NEGR1: variants seen among roughly 807,000 people sequenced by gnomAD.
NEGR1 encodes neuronal growth regulator 1.
Under a neutral mutation model 40.9 loss-of-function variants are expected in NEGR1, and 10 were observed. The observed-to-expected ratio is 0.24, with a 90% CI of 0.15 to 0.42. The LOEUF (loss-of-function observed/expected upper bound fraction) is 0.42. Ranked by LOEUF, NEGR1 falls within the 10% of genes least tolerant of loss-of-function variation. NEGR1 has a pLI of 1.00. For synonymous variants in NEGR1, 185 were observed against 166.8 expected (o/e 1.11, Z -0.84); for missense variants, 352 against 438.9 (o/e 0.80, Z 1.77).
At chr1:71,954,687 T>C (rs1213573134) in intron 1 of NEGR1, among the ~76,000 whole-genome samples, 1 of 152,116 alleles carries the variant, frequency 6.6e-6, no homozygotes, top group Non-Finnish European at 1.5e-5. Context: ...TCATTATTTC[T>C]AATGATCAAT....
intron 1 of NEGR1, among the ~76,000 whole-genome samples, chr1:72,040,561 C>CA (rs1471353422): frequency 1.2e-5 from 1 of 82,156 alleles, no homozygotes. Context: ...TTGGCAAGCA[C>CA]AGTAAGAGCA....
intron 6 of NEGR1, among the ~76,000 whole-genome samples, chr1:71,521,248 T>A (rs554086593): frequency 6.6e-6 from 1 of 152,136 alleles, no homozygotes; most frequent in Non-Finnish European, 1.5e-5. Context: ...CTTATAAGGA[T>A]ACCAGAGCAA....
chr1:71,528,734 T>C (rs1426448935), intron 6 of NEGR1, among the ~76,000 whole-genome samples: 1 of 151,244 alleles, frequency 6.6e-6, no homozygotes, highest in Admixed American at 6.6e-5. Context: ...CATTTGATGA[T>C]ATAGCTGTAG....
At chr1:71,474,972 TAAAC>T (rs1480699254) in intron 6 of NEGR1, among the ~76,000 whole-genome samples, 1 of 151,920 alleles carries the variant, frequency 6.6e-6, no homozygotes, top group Non-Finnish European at 1.5e-5. Context: ...AGGTAAGAAA[TAAAC>T]AGAAAAGAAC....
Position 71,555,227 on chromosome 1 carries a change from G to GGCAGGTAAGTATT in NEGR1, c.940+37589_940+37590insAATACTTACCTGC, listed in dbSNP as rs1397683360. Among the ~76,000 whole-genome samples the GGCAGGTAAGTATT allele has an allele frequency of 8.3e-4, 117 of 141,562 alleles. 1 individual carries two copies. The highest frequency in any genetic ancestry group is 1.4e-3 in the Non-Finnish European group (89 of 65,184). The allele number at this position is 141,562 out of a possible 152,430, so 92.9% of individuals were successfully genotyped here. A position where few individuals can be genotyped will look rare whatever the true frequency, so the allele number is the denominator to read the frequency against. ...GTTTAGACCGCTAGCCATTCTTAAA[G>GGCAGGTAAGTATT]CTCTGTAGGCAGGTAAGTATTCCTT... is the stretch of plus-strand genomic sequence containing the variant. On this transcript the variant is annotated intron_variant, in intron 6 of 6. Coordinates refer to ENST00000357731, the MANE Select transcript of NEGR1 (RefSeq NM_173808.3).
chr1:71,433,196 T>C (rs1646480815), intron 6 of NEGR1, among the ~76,000 whole-genome samples: 1 of 152,224 alleles, frequency 6.6e-6, no homozygotes, highest in Admixed American at 6.5e-5. Flanking sequence ...CCTTGAGAAC[T>C]GGAAGAAATA....
chr1:72,135,562 T>C (rs1369793340), intron 1 of NEGR1, among the ~76,000 whole-genome samples: 1 of 152,080 alleles, frequency 6.6e-6, no homozygotes, highest in Non-Finnish European at 1.5e-5. Flanking sequence ...GTTTCCAGGC[T>C]GCAGCACAGG....
At chr1:71,841,903 A>C (rs1276784207) in intron 2 of NEGR1, among the ~76,000 whole-genome samples, 5 of 152,126 alleles carry the variant, frequency 3.3e-5, no homozygotes, top group Non-Finnish European at 5.9e-5. Flanking sequence ...TGTTGATGAT[A>C]TGCTAGATTG....
At chr1:71,463,700 T>A (rs1646728117) in intron 6 of NEGR1, among the ~76,000 whole-genome samples, 2 of 152,282 alleles carry the variant, frequency 1.3e-5, no homozygotes, top group South Asian at 2.1e-4. Context: ...TAGGCTGTAG[T>A]GAACAAGTTT....
At chr1:72,276,878 G>C (rs1656067836) in intron 1 of NEGR1, among the ~76,000 whole-genome samples, 2 of 152,104 alleles carry the variant, frequency 1.3e-5, no homozygotes, top group African/African-American at 4.8e-5. Context: ...AAAGGAGATG[G>C]AATACCTGGG....
At chr1:71,494,025 C>T (rs770721889) in intron 6 of NEGR1, among the ~76,000 whole-genome samples, 1 of 152,136 alleles carries the variant, frequency 6.6e-6, no homozygotes, top group Admixed American at 6.5e-5. Flanking sequence ...TCCTTGAACA[C>T]TCAGTTTTAG....
intron 2 of NEGR1, among the ~76,000 whole-genome samples, chr1:71,872,736 A>T (rs188420423): frequency 6.6e-6 from 1 of 152,330 alleles, no homozygotes; most frequent in African/African-American, 2.4e-5. Context: ...TCAAATTCCA[A>T]TAATATGCTG....
At position 71,611,074 on chromosome 1, in the gene NEGR1, C is replaced by G; in HGVS notation, c.740G>C (p.Gly247Ala). 1.2e-6 allele frequency: 2 copies of G among 1,613,916 alleles called. No individual in the cohort carries two copies. Among genetic ancestry groups the G allele is most frequent in the Non-Finnish European group, 1.7e-6 (2 of 1,179,832 alleles). ...AAAGGCTGGAGGCGGCACACCTGCA[C>G]CTTCACATCTTATCAGGCCACTGCG... ...PGRSGLIRCEGAGVPPPAFEW... is the reference protein window; with the variant it reads ...PGRSGLIRCEAAGVPPPAFEW... Residue 247 changes from glycine to alanine, a missense_variant, in exon 5 of 7, where the codon GGT becomes GCT. Physicochemically the swap from Gly to Ala is moderately conservative, Grantham distance 60. Coordinates refer to ENST00000357731, the MANE Select transcript of NEGR1 (RefSeq NM_173808.3).
intron 1 of NEGR1, among the ~76,000 whole-genome samples, chr1:71,958,944 C>T (rs1646140608): frequency 7.9e-6 from 1 of 127,236 alleles, no homozygotes; most frequent in South Asian, 2.8e-4. Context: ...AAGGCTCCAT[C>T]TCATCTCAAA....
At chr1:71,648,144 T>C (rs1651593868) in intron 4 of NEGR1, among the ~76,000 whole-genome samples, 1 of 151,928 alleles carries the variant, frequency 6.6e-6, no homozygotes, top group Admixed American at 6.6e-5. Context: ...TGCTTTGGGG[T>C]CTAAAATATC....
intron 5 of NEGR1, among the ~76,000 whole-genome samples, chr1:71,594,455 G>A (rs1649620290): frequency 6.6e-6 from 1 of 152,116 alleles, no homozygotes; most frequent in Non-Finnish European, 1.5e-5. Context: ...ATTAAAATGA[G>A]CAGTCATACT....
At chr1:72,269,465 G>T (rs1240808882) in intron 1 of NEGR1, among the ~76,000 whole-genome samples, 2 of 151,628 alleles carry the variant, frequency 1.3e-5, no homozygotes, top group Non-Finnish European at 3.0e-5. Context: ...AAAGCTTCAG[G>T]ACATATTGCG....
intron 5 of NEGR1, among the ~76,000 whole-genome samples, chr1:71,605,860 A>T (rs1407285385): frequency 2.6e-5 from 4 of 152,228 alleles, no homozygotes; most frequent in Non-Finnish European, 4.4e-5. Flanking sequence ...GTAATATTTT[A>T]ATAACTAGTA....
intron 1 of NEGR1, among the ~76,000 whole-genome samples, chr1:71,978,128 T>C (rs1646322872): frequency 6.6e-6 from 1 of 152,124 alleles, no homozygotes; most frequent in Non-Finnish European, 1.5e-5. Context: ...GCATTGAAGA[T>C]AAAAAAGCCT....
Sources: gnomAD v4.1 joint callset for allele counts (sites outside exome capture counted in the v4.1 genomes callset) on GRCh38, gnomAD v4.1.1 for gene constraint, MANE v1.5 for transcripts, NCBI Gene and HGNC (gene_info 2026-07-23, HGNC 2026-07-21) for gene names.